Variants in ZNF431 observed in about 807,000 individuals in gnomAD.
The protein encoded by ZNF431 is zinc finger protein 431.
A neutral mutation model predicts 57.0 loss-of-function variants in ZNF431; 34 were observed. The ratio of observed to expected loss-of-function variants is 0.60; its 90% CI spans 0.45 to 0.79. The LOEUF (loss-of-function observed/expected upper bound fraction) is 0.79, where lower values mean the gene tolerates loss of function less well. Among genes scored for constraint, ZNF431 ranks in the 30% least tolerant of loss-of-function variants. ZNF431 has a pLI of 0.00. For synonymous variants in ZNF431, 207 were observed against 220.3 expected, an observed-to-expected ratio of 0.94 and a Z score of 0.54; for missense variants, 607 against 667.1, an observed-to-expected ratio of 0.91 and a Z score of 0.99.
chr19:21,168,214 G>A (rs899514992), intron 4 of ZNF431, among the ~76,000 whole-genome samples: 7 of 151,708 alleles, frequency 4.6e-5, no homozygotes, highest in African/African-American at 1.7e-4. Context: ...GAATGCTTTG[G>A]CTATTTGAAA....
At chr19:21,152,207 A>G (rs1970293331) in intron 2 of ZNF431, among the ~76,000 whole-genome samples, 1 of 152,208 alleles carries the variant, frequency 6.6e-6, no homozygotes, top group African/African-American at 2.4e-5. Flanking sequence ...TCTAGGCAAG[A>G]TGGTTACTCT....
rs967386369 is a variant in ZNF431 at position 21,183,995 on chromosome 19, A to G, written c.1692A>G (p.Arg564=). ...TTAAACAAAATAATTCATACTGGAG[A>G]GAAACTCTACAAATGTCAAGAATGT... ...NLIKQNNSYW[R]ETLQMSRMWE... Residue 564 remains arginine (R), a synonymous_variant, in exon 5 of 5, where the codon AGA becomes AGG. Transcript: ENST00000311048. 5.1e-6 allele frequency: 8 copies of G among 1,582,004 alleles called. No homozygotes were observed. The highest frequency in any genetic ancestry group is 4.3e-6 in the Non-Finnish European group (5 of 1,168,158).
intron 2 of ZNF431, among the ~76,000 whole-genome samples, chr19:21,153,190 T>C (rs1300233565): frequency 1.3e-5 from 2 of 152,160 alleles, no homozygotes; most frequent in African/African-American, 4.8e-5. Context: ...CTCATCGCCA[T>C]GTTAATTTTG....
Position 21,184,001 on chromosome 19 carries a change from T to C in ZNF431, c.1698T>C (p.Thr566=), listed in dbSNP as rs756397781. 1.9e-6 allele frequency: 3 copies of C among 1,575,510 alleles called. No individual in the cohort carries two copies. The South Asian group carries it at 3.6e-5, about 19-fold the overall frequency. Residue 566 remains threonine (T), a synonymous_variant, in exon 5 of 5, where the codon ACT becomes ACC. Coordinates refer to ENST00000311048, the MANE Select transcript of ZNF431 (RefSeq NM_133473.4). The part of the protein sequence containing the change: ...IKQNNSYWRE[T]LQMSRMWESL ...AAAATAATTCATACTGGAGAGAAACTCTACAAATGTCAAGAATGTGGGAAA... is the reference window on the plus strand; with the variant it reads ...AAAATAATTCATACTGGAGAGAAACCCTACAAATGTCAAGAATGTGGGAAA...
rs1448636536 is a variant in ZNF431 at position 21,187,098 on chromosome 19, T to C, written c.*3064T>C. ...GCTGAAGTTAGTTTGTAACTTCAAG[T>C]CAAAGATGAAAAATATCAATGGTGA... On this transcript the variant is annotated 3_prime_UTR_variant, in exon 5 of 5. Transcript: ENST00000311048. 1 of 152,154 alleles carries C rather than the reference T, an allele frequency of 6.6e-6. No homozygotes were observed. Among genetic ancestry groups the C allele is most frequent in the East Asian group, 1.9e-4 (1 of 5,192 alleles). The allele number at this position is 152,154 out of a possible 1,614,324, so 9.4% of individuals were successfully genotyped here.
chr19:21,167,050 G>A (rs191509475), intron 3 of ZNF431, among the ~76,000 whole-genome samples: 1 of 152,072 alleles, frequency 6.6e-6, no homozygotes, highest in African/African-American at 2.4e-5. Context: ...TAGATACAGT[G>A]TTTCACCACG....
At chr19:21,177,123 A>G (rs2358808) in intron 4 of ZNF431, among the ~76,000 whole-genome samples, 144,359 of 152,302 alleles carry the variant, frequency 0.95, 68,725 homozygotes, top group Middle Eastern at 0.99. Flanking sequence ...TGTCCTGAGT[A>G]GTATTGCCTA....
At chr19:21,173,455 A>C (rs973420600) in intron 4 of ZNF431, among the ~76,000 whole-genome samples, 1 of 152,340 alleles carries the variant, frequency 6.6e-6, no homozygotes, top group Non-Finnish European at 1.5e-5. Context: ...TGTTTTAAAA[A>C]ACATGTAGTA....
Position 21,162,467 on chromosome 19 carries a change from C to T in ZNF431, c.97-3868C>T, listed in dbSNP as rs537644466. ...GATTACAGGCATGAGCCACTGTACC[C>T]GGCAATTTTTGTATCTTCAGTGGAG... is the stretch of plus-strand genomic sequence containing the variant. On this transcript the variant is annotated intron_variant, in intron 2 of 4. Coordinates refer to ENST00000311048, the MANE Select transcript of ZNF431 (RefSeq NM_133473.4). Among the ~76,000 whole-genome samples, 337 of 152,036 alleles carry T rather than the reference C, an allele frequency of 2.2e-3. 3 individuals carry two copies. The highest frequency in any genetic ancestry group is 7.9e-3 in the African/African-American group (327 of 41,490).
chr19:21,170,819 G>A (rs562163841), intron 4 of ZNF431, among the ~76,000 whole-genome samples: 1 of 152,008 alleles, frequency 6.6e-6, no homozygotes, highest in African/African-American at 2.4e-5. Context: ...GACTACAGGC[G>A]TGTGCCACCA....
Position 21,186,832 on chromosome 19 carries a change from A to G in ZNF431, c.*2798A>G, listed in dbSNP as rs1395402095. On this transcript the variant is annotated 3_prime_UTR_variant, in exon 5 of 5. Transcript: ENST00000311048. The stretch of plus-strand genomic sequence containing the variant: ...AAAGTAGTGTATTAAGTTACATTTT[A>G]TTTAGTTAGAGCACTCCATTTTGTT... The G allele has an allele frequency of 1.3e-5, 2 of 152,168 alleles. No homozygotes were observed. Among genetic ancestry groups the G allele is most frequent in the South Asian group, 2.1e-4 (1 of 4,834 alleles). 9.4% of individuals were successfully genotyped at this position (152,168 alleles called of 1,614,324 possible).
chr19:21,179,829 G>T (rs1202028823), intron 4 of ZNF431, among the ~76,000 whole-genome samples: 1 of 151,826 alleles, frequency 6.6e-6, no homozygotes, highest in Non-Finnish European at 1.5e-5. Flanking sequence ...CAAAGTGCTG[G>T]GATTACATGT....
chr19:21,164,617 T>C (rs1007366408), intron 2 of ZNF431, among the ~76,000 whole-genome samples: 7 of 152,066 alleles, frequency 4.6e-5, no homozygotes, highest in Non-Finnish European at 7.3e-5. Flanking sequence ...CTGAAAAGGA[T>C]TTCCAGAGAA....
chr19:21,194,817 AAAAG>A lies in ZNF431; in HGVS notation c.*10788_*10791del, dbSNP rs1454990856. 2 of 152,190 alleles carry A rather than the reference AAAAG, an allele frequency of 1.3e-5. No individual in the cohort carries two copies. The highest frequency in any genetic ancestry group is 2.9e-5 in the Non-Finnish European group (2 of 68,044). 9.4% of individuals were successfully genotyped at this position (152,190 alleles called of 1,614,324 possible). ...GAATTTTGCTAGGATTTTAATTTAC[AAAAG>A]AAAGGTGAATGCCATTAAAAGGTGT... On this transcript the variant is annotated 3_prime_UTR_variant, in exon 5 of 5. Transcript: ENST00000311048.
chr19:21,167,661 C>T lies in ZNF431; in HGVS notation c.314C>T (p.Pro105Leu), dbSNP rs1182298315. 6.4e-7 allele frequency: 1 copy of T among 1,562,500 alleles called. No homozygotes were observed. Among genetic ancestry groups the T allele is most frequent in the Non-Finnish European group, 8.7e-7 (1 of 1,153,122 alleles). Residue 105 changes from proline (P) to leucine (L), a missense_variant, in exon 4 of 5, where the codon CCC (proline) becomes CTC (leucine). Transcript: ENST00000311048. Reference protein sequence around the residue: ...NMKRHEMVDEPPAMCSYFTKD... With the variant: ...NMKRHEMVDELPAMCSYFTKD... The stretch of plus-strand genomic sequence containing the variant: ...AAGAGACATGAGATGGTGGATGAAC[C>T]CCCAGGTAGGTGAGAGTGAAAAAAA...
intron 2 of ZNF431, 71 bp downstream of exon 2, chr19:21,143,714 C>T (rs1427439612): frequency 2.6e-6 from 3 of 1,149,368 alleles, no homozygotes; most frequent in Non-Finnish European, 3.9e-6. Context: ...CATTGCTGGT[C>T]AGCCAGTCCG....
At chr19:21,156,769 T>C (rs956256884) in intron 2 of ZNF431, among the ~76,000 whole-genome samples, 2 of 152,130 alleles carry the variant, frequency 1.3e-5, no homozygotes, top group Non-Finnish European at 2.9e-5. Context: ...TTAAATCTTC[T>C]ATTTTATTTA....
At position 21,193,219 on chromosome 19, in the gene ZNF431, A is replaced by G. The variant is rs1971539934; in HGVS notation, c.*9185A>G. ...TTCCAAAAAATCCAGGTGGAGTTCC[A>G]CCCTAACTCATTATATAAAATCTGT... is the stretch of plus-strand genomic sequence containing the variant. On this transcript the variant is annotated 3_prime_UTR_variant, in exon 5 of 5. Transcript: ENST00000311048. 6.6e-6 allele frequency: 1 copy of G among 152,144 alleles called. No individual in the cohort carries two copies. The highest frequency in any genetic ancestry group is 2.1e-4 in the South Asian group (1 of 4,828). The allele number at this position is 152,144 out of a possible 1,614,324, so 9.4% of individuals were successfully genotyped here.
chr19:21,152,803 C>CT (rs1036433628), intron 2 of ZNF431, among the ~76,000 whole-genome samples: 4 of 152,090 alleles, frequency 2.6e-5, no homozygotes, highest in African/African-American at 7.2e-5. Context: ...GATGATTTTC[C>CT]TTTGGGTCAG....
Sources: allele counts gnomAD v4.1 joint callset (sites outside exome capture counted in the v4.1 genomes callset), GRCh38; gene constraint gnomAD v4.1.1; transcripts MANE v1.5; gene names NCBI Gene and HGNC (gene_info 2026-07-23, HGNC 2026-07-21).